UNC5D: variants seen among roughly 807,000 people sequenced by gnomAD.
The protein encoded by UNC5D is unc-5 netrin receptor D, also known as netrin receptor UNC5D.
A neutral mutation model predicts 105.4 loss-of-function variants in UNC5D; 39 were observed. The observed-to-expected ratio is 0.37, with a 90% confidence interval of 0.29 to 0.48. The LOEUF (loss-of-function observed/expected upper bound fraction) is 0.48, where lower values mean the gene tolerates loss of function less well. UNC5D is among the 20% of genes least tolerant of loss of function. The pLI is 0.98. For missense variants in UNC5D, 991 were observed against 1,202.4 expected (o/e 0.82, Z 2.60); for synonymous variants, 452 against 450.4 (o/e 1.00, Z -0.04).
At chr8:35,758,860 AT>A (rs779221884) in intron 13 of UNC5D, among the ~76,000 whole-genome samples, 24 of 152,352 alleles carry the variant, frequency 1.6e-4, no homozygotes, top group Non-Finnish European at 2.6e-4. Context: ...AAGAATAAAT[AT>A]CATATAGTGC....
At chr8:35,463,894 G>T (rs1251701154) in intron 1 of UNC5D, among the ~76,000 whole-genome samples, 2 of 152,038 alleles carry the variant, frequency 1.3e-5, no homozygotes, top group African/African-American at 4.8e-5. Context: ...GAAACCATTT[G>T]CTTTTTTAGC....
rs1054667847 is a variant in UNC5D at position 35,492,672 on chromosome 8, G to A, written c.104-56620G>A. 7.2e-5 allele frequency among the ~76,000 whole-genome samples: 11 copies of A among 152,072 alleles called. No individual in the cohort carries two copies. In the East Asian group the frequency reaches 9.6e-4, roughly 13 times the overall value. Reference sequence around the variant, plus strand: ...CTCAAAGAAGGGCCAGATGGTTGAGGCTTAAATGGGCTATTCATAGGGAGA... The same window carrying A: ...CTCAAAGAAGGGCCAGATGGTTGAGACTTAAATGGGCTATTCATAGGGAGA... On this transcript the variant is annotated intron_variant, in intron 1 of 16. Transcript: ENST00000404895.
intron 1 of UNC5D, among the ~76,000 whole-genome samples, chr8:35,351,917 G>T (rs955601684): frequency 2.6e-5 from 4 of 151,984 alleles, no homozygotes; most frequent in African/African-American, 9.7e-5. Flanking sequence ...TGCATACATT[G>T]GTTAACTGGT....
intron 1 of UNC5D, among the ~76,000 whole-genome samples, chr8:35,478,056 G>C (rs1354089553): frequency 2.0e-5 from 3 of 152,118 alleles, no homozygotes; most frequent in African/African-American, 7.2e-5. Context: ...ATTGTGTGCA[G>C]ATTCATAATT....
At chr8:35,669,935 A>C (rs1207448589) in intron 4 of UNC5D, among the ~76,000 whole-genome samples, 2 of 152,116 alleles carry the variant, frequency 1.3e-5, no homozygotes, top group Non-Finnish European at 2.9e-5. Flanking sequence ...AGGGTAAATG[A>C]ACTGAAGATG....
chr8:35,707,169 T>C (rs1460315187), intron 8 of UNC5D, among the ~76,000 whole-genome samples: 1 of 152,120 alleles, frequency 6.6e-6, no homozygotes, highest in Non-Finnish European at 1.5e-5. Context: ...CCTGTGAGGA[T>C]AGACAGAAAT....
intron 4 of UNC5D, among the ~76,000 whole-genome samples, chr8:35,667,555 CAGAG>C (rs1366085042): frequency 6.6e-6 from 1 of 152,180 alleles, no homozygotes; most frequent in Non-Finnish European, 1.5e-5. Context: ...ACCTGTAAAA[CAGAG>C]AGCCAGAAAT....
intron 3 of UNC5D, among the ~76,000 whole-genome samples, chr8:35,594,335 G>A (rs1819360836): frequency 6.6e-6 from 1 of 152,134 alleles, no homozygotes; most frequent in African/African-American, 2.4e-5. Flanking sequence ...CTTGCTAAAG[G>A]CAAGTTTAAT....
At chr8:35,265,652 C>A (rs1479065687) in intron 1 of UNC5D, among the ~76,000 whole-genome samples, 1 of 152,014 alleles carries the variant, frequency 6.6e-6, no homozygotes, top group African/African-American at 2.4e-5. Context: ...GGGCGGATCA[C>A]CAGGTCAGGA....
intron 4 of UNC5D, among the ~76,000 whole-genome samples, chr8:35,627,283 A>T (rs1821747324): frequency 6.6e-6 from 1 of 152,164 alleles, no homozygotes; most frequent in Non-Finnish European, 1.5e-5. Context: ...CAACTTCCGA[A>T]CAATAACGTT....
chr8:35,722,064 T>G, intron 8 of UNC5D, 146 bp from the exon 9 acceptor site: 1 of 859,142 alleles, frequency 1.2e-6, no homozygotes, highest in Non-Finnish European at 1.8e-6. Context: ...TGTGTGAAAG[T>G]GAGTACAACT....
chr8:35,534,675 G>A (rs1814701000), intron 1 of UNC5D, among the ~76,000 whole-genome samples: 1 of 151,722 alleles, frequency 6.6e-6, no homozygotes, highest in African/African-American at 2.4e-5. Flanking sequence ...CCACAGAATA[G>A]GTCCTTCCTG....
chr8:35,737,549 C>A (rs1829539822), intron 11 of UNC5D, among the ~76,000 whole-genome samples: 1 of 151,858 alleles, frequency 6.6e-6, no homozygotes, highest in Non-Finnish European at 1.5e-5. Context: ...ATAACCAGAA[C>A]AAAAAATGAC....
At chr8:35,268,291 A>AG (rs1805031567) in intron 1 of UNC5D, among the ~76,000 whole-genome samples, 1 of 151,624 alleles carries the variant, frequency 6.6e-6, no homozygotes, top group African/African-American at 2.4e-5. Context: ...AACTAACAAA[A>AG]AAACCTGAAA....
At chr8:35,622,913 A>C (rs867228384) in intron 4 of UNC5D, among the ~76,000 whole-genome samples, 6 of 152,246 alleles carry the variant, frequency 3.9e-5, no homozygotes, top group Middle Eastern at 3.4e-3. Flanking sequence ...AATGATCATG[A>C]TCTCTCTCAG....
chr8:35,336,593 G>A (rs2128897872), intron 1 of UNC5D, among the ~76,000 whole-genome samples: 1 of 152,240 alleles, frequency 6.6e-6, no homozygotes, highest in Middle Eastern at 3.4e-3. Flanking sequence ...ACACAGCTGA[G>A]CTCCCAGGCC....
chr8:35,662,100 C>T (rs1295333229), intron 4 of UNC5D, among the ~76,000 whole-genome samples: 1 of 149,978 alleles, frequency 6.7e-6, no homozygotes, highest in Non-Finnish European at 1.5e-5. Flanking sequence ...TCCATTCCAG[C>T]ATTTTCTCTA....
intron 1 of UNC5D, among the ~76,000 whole-genome samples, chr8:35,346,816 T>C (rs184113130): frequency 6.6e-6 from 1 of 152,132 alleles, no homozygotes; most frequent in Admixed American, 6.6e-5. Context: ...GATAAGGCAG[T>C]AAGTGTTCAC....
At chr8:35,312,528 A>G (rs1172939966) in intron 1 of UNC5D, among the ~76,000 whole-genome samples, 2 of 152,186 alleles carry the variant, frequency 1.3e-5, no homozygotes, top group South Asian at 2.1e-4. Context: ...TGTCTATGTG[A>G]CTAAGAATTA....
Sources: gnomAD v4.1 joint callset for allele counts (sites outside exome capture counted in the v4.1 genomes callset) on GRCh38, gnomAD v4.1.1 for gene constraint, MANE v1.5 for transcripts, NCBI Gene and HGNC (gene_info 2026-07-23, HGNC 2026-07-21) for gene names.